Variants in CCDC136 observed in about 807,000 individuals in gnomAD.
The protein encoded by CCDC136 is coiled-coil domain-containing protein 136.
CCDC136 carries 100 observed loss-of-function variants against 141.2 expected under a neutral mutation model. The observed-to-expected ratio is 0.71, with a 90% CI of 0.60 to 0.84. The LOEUF is 0.84. Ranked by LOEUF, CCDC136 falls within the 40% of genes least tolerant of loss-of-function variation. The probability of loss-of-function intolerance (pLI) is 0.00; values close to 1 mark genes in which losing one functional copy is unlikely to be tolerated. For synonymous variants in CCDC136, 474 were observed against 531.9 expected (o/e 0.89, Z 1.50); for missense variants, 1,206 against 1,379.4 (o/e 0.87, Z 1.99).
intron 3 of CCDC136, among the ~76,000 whole-genome samples, chr7:128,797,047 A>G (rs1030052701): frequency 6.6e-6 from 1 of 152,246 alleles, no homozygotes; most frequent in Non-Finnish European, 1.5e-5. Flanking sequence ...GGCCCAGAAT[A>G]TATTTTGAAG....
At chr7:128,806,905 G>A (rs773747407) in intron 9 of CCDC136, 47 bp downstream of exon 9, 5 of 1,544,662 alleles carry the variant, frequency 3.2e-6, no homozygotes, top group African/African-American at 1.4e-5. Context: ...GCATCATCTT[G>A]TGTGAGGGTG....
Position 128,812,827 on chromosome 7 carries a change from G to A in CCDC136, c.2661G>A (p.Lys887=), listed in dbSNP as rs1257611381. ...LQEQMEKLLA[K]QKDLKEELDA... is the part of the protein sequence containing the mutation. ...AGCAGATGGAAAAGTTACTGGCCAA[G>A]CAGAAAGACCTGAAGGAAGAGCTGG... Residue 887 remains lysine (K), a synonymous_variant, in exon 14 of 18, where the codon AAG becomes AAA. Transcript: ENST00000297788. 6.2e-7 allele frequency: 1 copy of A among 1,613,326 alleles called. No individual in the cohort carries two copies. The highest frequency in any genetic ancestry group is 1.3e-5 in the African/African-American group (1 of 74,778).
In CCDC136 at chr7:128,804,791, A is replaced by T. The variant is rs1804577335; in HGVS notation, c.782+30A>T. ...AGCTGTCTCTGGAGAGTGAGAGGTC[A>T]TGGGGTTCCACAGGACTCTGCCTTA... is the stretch of plus-strand genomic sequence containing the variant. On this transcript the variant is annotated intron_variant, in intron 5 of 17. Transcript: ENST00000297788. 2 of 1,403,488 alleles carry T rather than the reference A, an allele frequency of 1.4e-6. 1 individual carries two copies. Among genetic ancestry groups the T allele is most frequent in the South Asian group, 2.4e-5 (2 of 81,758 alleles). The allele number at this position is 1,403,488 out of a possible 1,614,324, so 86.9% of individuals were successfully genotyped here.
chr7:128,808,859 C>G, intron 10 of CCDC136: 1 of 985,368 alleles, frequency 1.0e-6, no homozygotes, highest in Non-Finnish European at 1.2e-6. Context: ...TTTTCTCTAG[C>G]CGTAAAACAG....
In CCDC136 at chr7:128,811,981, T is replaced by G. The variant is rs775895196; in HGVS notation, c.2210T>G (p.Ile737Arg). Residue 737 changes from isoleucine to arginine, a missense_variant, in exon 13 of 18, where the codon ATA becomes AGA. By Grantham distance (97) the Ile-to-Arg change is moderately conservative. Transcript: ENST00000297788. ...CTGCTTCAAGTCCAGTCCCCTTCTA[T>G]AAAAATGAGCCTTGAGTCCTACGGG... ...MQLLQVQSPS[I>R]KMSLESYGKS... 6.2e-7 allele frequency: 1 copy of G among 1,613,958 alleles called. No individual in the cohort carries two copies. Among genetic ancestry groups the G allele is most frequent in the South Asian group, 1.1e-5 (1 of 91,070 alleles).
At chr7:128,793,631 C>T (rs184771504) in intron 1 of CCDC136, among the ~76,000 whole-genome samples, 2 of 152,226 alleles carry the variant, frequency 1.3e-5, no homozygotes, top group Non-Finnish European at 2.9e-5. Flanking sequence ...TTGTTTGAGA[C>T]GGAGACTCAC....
chr7:128,812,559 T>A, intron 13 of CCDC136, 149 bp from the exon 14 acceptor site: 1 of 704,372 alleles, frequency 1.4e-6, no homozygotes. Context: ...ACAGCCACGA[T>A]GCTCTTTATG....
rs184694945 is a variant in CCDC136 at position 128,794,631 on chromosome 7, C to T, written c.271+29C>T. On this transcript the variant is annotated intron_variant, in intron 2 of 17. Transcript: ENST00000297788. This position sits in a 1 kb window ranked among gnomAD's most constrained non-coding sequence, Gnocchi z 4.3. ...AGTGCCTGGGCCAGGGCCCAGTGCC[C>T]GGGCCCAGAGGCTCTGCACTCCCCT... 429 of 1,529,042 alleles carry T rather than the reference C, an allele frequency of 2.8e-4. 1 individual carries two copies. The African/African-American group carries it at 2.8e-3, about 10-fold the overall frequency. The allele number at this position is 1,529,042 out of a possible 1,614,324, so 94.7% of individuals were successfully genotyped here. A position where few individuals can be genotyped will look rare whatever the true frequency, so the allele number is the denominator to read the frequency against.
At chr7:128,801,941 C>T (rs896810713) in intron 4 of CCDC136, among the ~76,000 whole-genome samples, 1 of 152,080 alleles carries the variant, frequency 6.6e-6, no homozygotes, top group East Asian at 1.9e-4. Context: ...AAAACCCTTC[C>T]TGGGAAAATT....
Position 128,815,859 on chromosome 7 carries a change from G to A in CCDC136, c.3291G>A (p.Glu1097=), listed in dbSNP as rs764358084. 1.9e-6 allele frequency: 3 copies of A among 1,613,638 alleles called. No individual in the cohort carries two copies. Among genetic ancestry groups the A allele is most frequent in the Admixed American group, 1.7e-5 (1 of 59,998 alleles). Residue 1097 remains glutamate (E), a synonymous_variant, in exon 16 of 18, where the codon GAG becomes GAA. Transcript: ENST00000297788. ...AGAAGGAAGAAGACAGTGAAGAGGA[G>A]GAGGATGACGCCGACTCTTCCCTTG... ...EEEKEEDSEE[E]EDDADSSLES...
chr7:128,796,993 G>A (rs536192887), intron 3 of CCDC136, among the ~76,000 whole-genome samples: 43 of 151,686 alleles, frequency 2.8e-4, no homozygotes, highest in African/African-American at 8.2e-4. Flanking sequence ...CGCCCGCCTC[G>A]GCCTCCCAAA....
chr7:128,818,766 T>TA (rs1807025483), intron 17 of CCDC136, among the ~76,000 whole-genome samples: 1 of 152,188 alleles, frequency 6.6e-6, no homozygotes, highest in East Asian at 1.9e-4. Flanking sequence ...AATGTGGTCT[T>TA]ACGGCCTAAG....
At chr7:128,800,354 G>A (rs1803820897) in intron 3 of CCDC136, among the ~76,000 whole-genome samples, 1 of 152,038 alleles carries the variant, frequency 6.6e-6, no homozygotes, top group African/African-American at 2.4e-5. Context: ...GCAGTGGTGC[G>A]ATCTTGGCTC....
At position 128,792,020 on chromosome 7, in the gene CCDC136, C is replaced by T. The variant is rs1019015016; in HGVS notation, c.-392C>T. 1.0e-4 allele frequency: 127 copies of T among 1,219,966 alleles called. No individual in the cohort carries two copies. The South Asian group carries it at 1.9e-3, about 18-fold the overall frequency. The allele number at this position is 1,219,966 out of a possible 1,614,324, so 75.6% of individuals were successfully genotyped here. A position where few individuals can be genotyped will look rare whatever the true frequency, so the allele number is the denominator to read the frequency against. ...CAGCCTCTTCTTCACTGGCTCCCGC[C>T]CTCTTTCAGTCTTGGCCCTCTCCTC... On this transcript the variant is annotated 5_prime_UTR_variant, in exon 1 of 18. Coordinates refer to ENST00000297788, the MANE Select transcript of CCDC136 (RefSeq NM_022742.5).
At chr7:128,813,342 G>A (rs1011642468) in intron 14 of CCDC136, among the ~76,000 whole-genome samples, 8 of 152,214 alleles carry the variant, frequency 5.3e-5, no homozygotes, top group African/African-American at 1.9e-4. Context: ...CGCTCACAAT[G>A]CCAAGAAGAG....
chr7:128,795,988 T>C (rs536524397), intron 3 of CCDC136, among the ~76,000 whole-genome samples: 2 of 152,280 alleles, frequency 1.3e-5, no homozygotes, highest in East Asian at 3.9e-4. Context: ...TATTTTATTT[T>C]ATTTTGAGAC....
intron 12 of CCDC136, among the ~76,000 whole-genome samples, chr7:128,810,645 G>T (rs1805574818): frequency 6.6e-6 from 1 of 152,190 alleles, no homozygotes; most frequent in African/African-American, 2.4e-5. Flanking sequence ...GGCAGAGCTG[G>T]GATGACCAGA....
intron 13 of CCDC136, 138 bp from the exon 14 acceptor site, chr7:128,812,568 TGG>T: frequency 1.4e-6 from 1 of 726,908 alleles, no homozygotes; most frequent in Non-Finnish European, 2.3e-6. Context: ...ATGCTCTTTA[TGG>T]GGGTAAATAT....
rs769150143 is a variant in CCDC136 at position 128,812,293 on chromosome 7, C to G, written c.2522C>G (p.Ala841Gly). ...FVSSCTDEEP[A>G]EPEDMERFEE... ...AGCAGCTGCACTGACGAGGAACCTGCTGAGCCTGAAGACATGGAGGTAATG... is the reference window on the plus strand; with the variant it reads ...AGCAGCTGCACTGACGAGGAACCTGGTGAGCCTGAAGACATGGAGGTAATG... Residue 841 changes from alanine to glycine, a missense_variant, in exon 13 of 18, where the codon GCT becomes GGT. Coordinates refer to ENST00000297788, the MANE Select transcript of CCDC136 (RefSeq NM_022742.5). The G allele has an allele frequency of 6.2e-7, 1 of 1,612,340 alleles. No homozygotes were observed. The highest frequency in any genetic ancestry group is 1.1e-5 in the South Asian group (1 of 90,860).
Sources: allele counts gnomAD v4.1 joint callset (sites outside exome capture counted in the v4.1 genomes callset), GRCh38; gene constraint gnomAD v4.1.1; non-coding constraint Gnocchi (gnomAD v3.1); transcripts MANE v1.5; gene names NCBI Gene and HGNC (gene_info 2026-07-23, HGNC 2026-07-21).